SHISA9: variants seen among roughly 807,000 people sequenced by gnomAD.
SHISA9 encodes the protein shisa family member 9.
SHISA9 carries 13 observed loss-of-function variants against 38.0 expected under a neutral mutation model. That is an observed-to-expected ratio of 0.34 (90% confidence interval 0.22 to 0.54). The LOEUF (loss-of-function observed/expected upper bound fraction) is 0.54. Among genes scored for constraint, SHISA9 ranks in the 20% least tolerant of loss-of-function variants. The pLI, the probability that SHISA9 is intolerant of heterozygous loss-of-function variation, is 0.91. For missense variants in SHISA9, 538 were observed against 575.8 expected, an observed-to-expected ratio of 0.93 and a Z score of 0.67; for synonymous variants, 275 against 242.0, an observed-to-expected ratio of 1.14 and a Z score of -1.27.
At chr16:13,518,455 C>CT in the SHISA9 span, among the ~76,000 whole-genome samples, 2 of 152,128 alleles carry the variant, frequency 1.3e-5, no homozygotes, top group East Asian at 1.9e-4. Context: ...AGAAAAACCT[C>CT]TTTTTTTGCT....
intron 4 of SHISA9, among the ~76,000 whole-genome samples, chr16:13,234,027 TAAG>T (rs1213142773): frequency 2.6e-5 from 4 of 151,920 alleles, no homozygotes; most frequent in African/African-American, 4.8e-5. Flanking sequence ...AATAAATAAA[TAAG>T]AAAACATTTT....
chr16:13,045,192 G>A (rs1038869716), intron 2 of SHISA9, among the ~76,000 whole-genome samples: 1 of 152,344 alleles, frequency 6.6e-6, no homozygotes, highest in Admixed American at 6.5e-5. Flanking sequence ...ATATAGAAAT[G>A]TTAAGCTAAT....
At chr16:13,243,098 G>C (rs1360533534), downstream of SHISA9, among the ~76,000 whole-genome samples, 1 of 152,090 alleles carries the variant, frequency 6.6e-6, no homozygotes, top group Non-Finnish European at 1.5e-5. Context: ...AATTAGCCTG[G>C]TGTGGTGGCA....
intron 2 of SHISA9, among the ~76,000 whole-genome samples, chr16:13,046,071 G>A (rs1467817162): frequency 2.6e-5 from 4 of 152,160 alleles, no homozygotes; most frequent in Non-Finnish European, 5.9e-5. Context: ...CATCACTGAG[G>A]GTCTGTGGTT....
chr16:13,500,299 C>A, the SHISA9 span, among the ~76,000 whole-genome samples: 3 of 152,174 alleles, frequency 2.0e-5, no homozygotes, highest in Non-Finnish European at 4.4e-5. Context: ...TTTCCTGAAG[C>A]CTTCCCAGGC....
At chr16:13,522,078 C>G in the SHISA9 span, among the ~76,000 whole-genome samples, 6 of 152,196 alleles carry the variant, frequency 3.9e-5, no homozygotes, top group African/African-American at 1.2e-4. Context: ...ATTCCCCACA[C>G]TCTGTCCCCA....
chr16:13,063,856 C>T (rs2073403884), intron 2 of SHISA9, among the ~76,000 whole-genome samples: 1 of 152,188 alleles, frequency 6.6e-6, no homozygotes, highest in Non-Finnish European at 1.5e-5. Context: ...TGTCCAGAGC[C>T]CACTCTTTGC....
chr16:12,991,933 G>A (rs1322420862), intron 2 of SHISA9, among the ~76,000 whole-genome samples: 1 of 152,052 alleles, frequency 6.6e-6, no homozygotes, highest in Non-Finnish European at 1.5e-5. Context: ...TATTGCTTAG[G>A]ATGACACTAA....
the SHISA9 span, among the ~76,000 whole-genome samples, chr16:13,308,260 C>A: frequency 6.6e-6 from 1 of 150,886 alleles, no homozygotes; most frequent in Non-Finnish European, 1.5e-5. Flanking sequence ...CCAGGCTCAT[C>A]CCCTTGGAAA....
intron 4 of SHISA9, among the ~76,000 whole-genome samples, chr16:13,216,887 C>T (rs2051174238): frequency 6.6e-6 from 1 of 152,172 alleles, no homozygotes; most frequent in Non-Finnish European, 1.5e-5. Context: ...AAGTTGCCCC[C>T]TAGTGGTCAC....
intron 2 of SHISA9, among the ~76,000 whole-genome samples, chr16:12,919,101 A>G (rs1242840563): frequency 6.6e-6 from 1 of 152,178 alleles, no homozygotes; most frequent in Non-Finnish European, 1.5e-5. Context: ...GTGCATTGAG[A>G]GAATAGGATG....
At chr16:13,177,990 G>A (rs929299554) in intron 2 of SHISA9, among the ~76,000 whole-genome samples, 40 of 152,152 alleles carry the variant, frequency 2.6e-4, no homozygotes, top group Non-Finnish European at 7.4e-5. Context: ...TGTAACTGAG[G>A]TTGTTCCAGT....
At chr16:13,485,522 AG>A in the SHISA9 span, among the ~76,000 whole-genome samples, 1 of 151,946 alleles carries the variant, frequency 6.6e-6, no homozygotes, top group Non-Finnish European at 1.5e-5. Flanking sequence ...ACATATTTTG[AG>A]GGTACTTGTG....
the SHISA9 span, among the ~76,000 whole-genome samples, chr16:13,347,654 T>A: frequency 6.6e-6 from 1 of 152,158 alleles, no homozygotes; most frequent in East Asian, 1.9e-4. Context: ...AATGATGTAA[T>A]TTAGTTTTTA....
At chr16:13,425,672 A>G in the SHISA9 span, among the ~76,000 whole-genome samples, 2 of 152,386 alleles carry the variant, frequency 1.3e-5, no homozygotes, top group Non-Finnish European at 2.9e-5. Flanking sequence ...GATCTAAAAT[A>G]AAGTAAAAAT....
At chr16:13,045,990 T>C (rs9924679) in intron 2 of SHISA9, among the ~76,000 whole-genome samples, 94,420 of 152,090 alleles carry the variant, frequency 0.62, 30,001 homozygotes, top group Middle Eastern at 0.74. Context: ...ACAGTGGAAT[T>C]GAGGAGGCAG....
At chr16:13,376,709 T>C in the SHISA9 span, among the ~76,000 whole-genome samples, 14 of 152,276 alleles carry the variant, frequency 9.2e-5, no homozygotes, top group African/African-American at 2.9e-4. Flanking sequence ...TCTTATCTTT[T>C]TGGAGACAGG....
chr16:13,514,251 C>T, the SHISA9 span, among the ~76,000 whole-genome samples: 1 of 151,842 alleles, frequency 6.6e-6, no homozygotes, highest in East Asian at 1.9e-4. Context: ...CCTAGACCTC[C>T]CGAAGTGCTG....
chr16:13,030,880 G>A (rs1356974240), intron 2 of SHISA9, among the ~76,000 whole-genome samples: 1 of 152,296 alleles, frequency 6.6e-6, no homozygotes, highest in Non-Finnish European at 1.5e-5. Context: ...AAACGTGTGC[G>A]TCACTGACAG....
Sources: gnomAD v4.1 joint callset for allele counts (sites outside exome capture counted in the v4.1 genomes callset) on GRCh38, gnomAD v4.1.1 for gene constraint, MANE v1.5 for transcripts, NCBI Gene and HGNC (gene_info 2026-07-23, HGNC 2026-07-21) for gene names.